The following PINX1 variants were observed in gnomAD, a reference collection of about 807,000 sequenced individuals.
The protein encoded by PINX1 is PIN2/TERF1-interacting telomerase inhibitor 1.
PINX1 carries 34 observed loss-of-function variants against 25.4 expected under a neutral mutation model. The observed-to-expected ratio is 1.34, with a 90% CI of 1.02 to 1.78. PINX1 has a LOEUF of 1.78. Among genes scored for constraint, PINX1 ranks in the 40% most tolerant of loss-of-function variants. The pLI is 0.00. For missense variants in PINX1, 592 were observed against 404.9 expected (o/e 1.46, Z -3.97); for synonymous variants, 197 against 147.7 (o/e 1.33, Z -2.42).
intron 6 of PINX1, among the ~76,000 whole-genome samples, chr8:10,766,983 G>C (rs530175404): frequency 6.6e-6 from 1 of 152,252 alleles, no homozygotes; most frequent in South Asian, 2.1e-4. Context: ...ATCAATGTCT[G>C]CAGCAACTCT....
intron 6 of PINX1, among the ~76,000 whole-genome samples, chr8:10,774,609 T>C (rs11250071): frequency 0.24 from 36,781 of 152,154 alleles, 4,563 homozygotes; most frequent in Middle Eastern, 0.34. Context: ...GAATAAAATA[T>C]TCATTTTGAA....
intron 1 of PINX1, 37 bp from the exon 2 acceptor site, chr8:10,834,812 T>A: frequency 6.9e-7 from 1 of 1,459,418 alleles, no homozygotes. Context: ...GCAATGGAGA[T>A]GATACCCGGA....
chr8:10,805,919 G>A (rs4841444), intron 6 of PINX1, among the ~76,000 whole-genome samples: 932 of 65,542 alleles, frequency 0.014, 74 homozygotes, highest in African/African-American at 0.04. Flanking sequence ...CACAGGAAGG[G>A]GCCACACTAG....
chr8:10,798,295 A>G (rs1037890871), intron 6 of PINX1, among the ~76,000 whole-genome samples: 2 of 152,266 alleles, frequency 1.3e-5, no homozygotes, highest in African/African-American at 4.8e-5. Context: ...TGAGAGCAGC[A>G]CAGGCTCCAG....
intron 6 of PINX1, among the ~76,000 whole-genome samples, chr8:10,798,771 A>T (rs1802169698): frequency 1.3e-5 from 2 of 152,218 alleles, no homozygotes; most frequent in Non-Finnish European, 2.9e-5. Flanking sequence ...CTGAAATTAC[A>T]TACCATATTA....
chr8:10,823,345 C>T (rs759473834), intron 5 of PINX1, among the ~76,000 whole-genome samples: 2 of 152,128 alleles, frequency 1.3e-5, no homozygotes, highest in South Asian at 2.1e-4. Flanking sequence ...TGCACAATTA[C>T]AGTTTATGCA....
intron 1 of PINX1, among the ~76,000 whole-genome samples, chr8:10,835,793 AG>A (rs1320770848): frequency 6.6e-6 from 1 of 152,188 alleles, no homozygotes; most frequent in Non-Finnish European, 1.5e-5. Flanking sequence ...AGGAAAGAAG[AG>A]GGAGAGGAAA....
chr8:10,833,073 G>T, intron 2 of PINX1, 89 bp from the exon 3 acceptor site: 1 of 759,674 alleles, frequency 1.3e-6, no homozygotes, highest in Non-Finnish European at 2.2e-6. Flanking sequence ...GATGCCTACG[G>T]CAGGTGTTCT....
intron 6 of PINX1, among the ~76,000 whole-genome samples, chr8:10,799,447 C>A (rs1231149497): frequency 1.3e-5 from 2 of 152,186 alleles, no homozygotes; most frequent in African/African-American, 2.4e-5. Flanking sequence ...CTTCTTCTGC[C>A]TGGCTCTGCC....
intron 6 of PINX1, among the ~76,000 whole-genome samples, chr8:10,791,772 G>T (rs1456937183): frequency 6.6e-6 from 1 of 152,180 alleles, no homozygotes; most frequent in African/African-American, 2.4e-5. Context: ...GAGACGCCAG[G>T]GTGGTGGCGG....
intron 6 of PINX1, among the ~76,000 whole-genome samples, chr8:10,787,150 TTGATA>T (rs1206183594): frequency 6.6e-6 from 1 of 151,160 alleles, no homozygotes; most frequent in African/African-American, 2.5e-5. Flanking sequence ...ATGTCTATAT[TTGATA>T]TATTATATAT....
At chr8:10,817,045 T>C (rs1408200488) in intron 6 of PINX1, among the ~76,000 whole-genome samples, 1 of 152,172 alleles carries the variant, frequency 6.6e-6, no homozygotes, top group African/African-American at 2.4e-5. Flanking sequence ...GAAATTAAAA[T>C]CAGTAGGCTT....
intron 6 of PINX1, among the ~76,000 whole-genome samples, chr8:10,795,746 T>C (rs1190569878): frequency 6.6e-6 from 1 of 152,208 alleles, no homozygotes; most frequent in Non-Finnish European, 1.5e-5. Context: ...CATACTGTAT[T>C]ACCTAAATAG....
intron 4 of PINX1, among the ~76,000 whole-genome samples, chr8:10,827,453 G>C (rs1252032785): frequency 1.3e-5 from 2 of 152,048 alleles, no homozygotes; most frequent in Non-Finnish European, 1.5e-5. Context: ...GGTTGATCTG[G>C]GGTTAGAGTC....
chr8:10,804,923 C>G (rs762659314), intron 6 of PINX1, among the ~76,000 whole-genome samples: 1 of 151,546 alleles, frequency 6.6e-6, no homozygotes, highest in Non-Finnish European at 1.5e-5. Context: ...ATACTTTAAT[C>G]AAAAACTCAA....
At chr8:10,786,590 A>T (rs147869205) in intron 6 of PINX1, among the ~76,000 whole-genome samples, 1 of 152,310 alleles carries the variant, frequency 6.6e-6, no homozygotes, top group East Asian at 1.9e-4. Flanking sequence ...CTCACCCCAC[A>T]GGGTTGGACC....
chr8:10,809,148 C>T (rs1383210472), intron 6 of PINX1, among the ~76,000 whole-genome samples: 2 of 152,154 alleles, frequency 1.3e-5, no homozygotes, highest in Non-Finnish European at 2.9e-5. Flanking sequence ...AAAGCCAACT[C>T]GGCTATTTTA....
chr8:10,828,321 G>A (rs1325810381), intron 4 of PINX1, among the ~76,000 whole-genome samples: 1 of 152,160 alleles, frequency 6.6e-6, no homozygotes, highest in Non-Finnish European at 1.5e-5. Context: ...AATCACAGAG[G>A]AAGTTATCAG....
intron 4 of PINX1, among the ~76,000 whole-genome samples, chr8:10,827,682 A>ATGGGTG (rs1798098742): frequency 6.6e-6 from 1 of 151,534 alleles, no homozygotes; most frequent in Admixed American, 6.6e-5. Flanking sequence ...CGCAGCAGGC[A>ATGGGTG]GATCATGAGG....
Sources: allele counts gnomAD v4.1 joint callset (sites outside exome capture counted in the v4.1 genomes callset), GRCh38; gene constraint gnomAD v4.1.1; transcripts MANE v1.5; gene names NCBI Gene and HGNC (gene_info 2026-07-23, HGNC 2026-07-21).